MYLK2: variants seen among roughly 807,000 people sequenced by gnomAD.
MYLK2 encodes myosin light chain kinase 2, skeletal/cardiac muscle.
Under a neutral mutation model 58.2 loss-of-function variants are expected in MYLK2, and 27 were observed. The ratio of observed to expected loss-of-function variants is 0.46; its 90% confidence interval spans 0.34 to 0.64. The LOEUF (loss-of-function observed/expected upper bound fraction) is 0.64, where lower values mean the gene tolerates loss of function less well. Ranked by LOEUF, MYLK2 falls within the 30% of genes least tolerant of loss-of-function variation. The probability of loss-of-function intolerance (pLI) is 0.01; values close to 1 mark genes in which losing one functional copy is unlikely to be tolerated. For synonymous variants in MYLK2, 310 were observed against 296.7 expected (o/e 1.04, Z -0.46); for missense variants, 676 against 764.3 (o/e 0.88, Z 1.36).
At position 31,833,973 on chromosome 20, in the gene MYLK2, A is replaced by C. The variant is rs1600415651; in HGVS notation, c.*176A>C. ...CCCCCATGCAGTGACCGCTTCCCCG[A>C]TGTGAGCCGCCTCGGAGTGTGGCCT... On this transcript the variant is annotated 3_prime_UTR_variant, in exon 13 of 13. Coordinates refer to ENST00000375985, the MANE Select transcript of MYLK2 (RefSeq NM_033118.4). The C allele has an allele frequency of 1.6e-6, 1 of 623,178 alleles. No homozygotes were observed. The highest frequency in any genetic ancestry group is 2.7e-5 in the Admixed American group (1 of 37,428). The allele number at this position is 623,178 out of a possible 1,614,324, so 38.6% of individuals were successfully genotyped here.
In MYLK2 at chr20:31,831,692, C is replaced by A. The variant is rs369886665; in HGVS notation, c.1425-11C>A. On this transcript the variant is annotated splice_polypyrimidine_tract_variant and intron_variant, in intron 10 of 12. Transcript: ENST00000375985. Reference sequence around the variant, plus strand: ...CTCACCTCCCTGCCCCCTGCTATCCCCTCCCTCTAGGCTGAGCGGCCTCTC... The same window carrying A: ...CTCACCTCCCTGCCCCCTGCTATCCACTCCCTCTAGGCTGAGCGGCCTCTC... 8.1e-6 allele frequency: 13 copies of A among 1,613,882 alleles called. No homozygotes were observed. Among genetic ancestry groups the A allele is most frequent in the Middle Eastern group, 1.7e-4 (1 of 6,048 alleles).
At position 31,821,455 on chromosome 20, in the gene MYLK2, G is replaced by T. The variant is rs1402022243; in HGVS notation, c.490G>T (p.Ala164Ser). 6 of 1,613,470 alleles carry T rather than the reference G, an allele frequency of 3.7e-6. No individual in the cohort carries two copies. Among genetic ancestry groups the T allele is most frequent in the Non-Finnish European group, 5.1e-6 (6 of 1,180,040 alleles). ...AIISSSEKLLAKKPPSEASEL... is the reference protein window; with the variant it reads ...AIISSSEKLLSKKPPSEASEL... ...ACCTTCTAGTTCTGAGAAGCTGCTG[G>T]CCAAGAAGCCCCCAAGCGAGGCATC... The change falls in exon 4 of 13, where the codon GCC becomes TCC. Residue 164 changes from alanine (A) to serine (S), a missense_variant. This residue lies in a region of MYLK2 where 306 missense variants were observed against 296.5 expected (regional missense o/e 1.03). Transcript: ENST00000375985.
chr20:31,823,355 C>A, intron 4 of MYLK2, 122 bp from the exon 5 acceptor site: 1 of 834,298 alleles, frequency 1.2e-6, no homozygotes, highest in Non-Finnish European at 1.9e-6. Context: ...AGGTGTCCCC[C>A]AGGTATCACT....
In MYLK2 at chr20:31,831,872, A is replaced by G. The variant is rs2062308168; in HGVS notation, c.1577+17A>G. On this transcript the variant is annotated intron_variant, in intron 11 of 12. Transcript: ENST00000375985. Reference sequence around the variant, plus strand: ...GGACCAGAGGTGAGGCTCACCCCAGAACCTGAACTGTATGTGTGCAAGCTT... The same window carrying G: ...GGACCAGAGGTGAGGCTCACCCCAGGACCTGAACTGTATGTGTGCAAGCTT... The G allele has an allele frequency of 7.4e-6, 12 of 1,614,108 alleles. No individual in the cohort carries two copies. Among genetic ancestry groups the G allele is most frequent in the Non-Finnish European group, 1.0e-5 (12 of 1,180,014 alleles).
At position 31,820,484 on chromosome 20, in the gene MYLK2, A is replaced by G. The variant is rs766553750; in HGVS notation, c.411A>G (p.Ala137=). 6.2e-7 allele frequency: 1 copy of G among 1,608,814 alleles called. No individual in the cohort carries two copies. Among genetic ancestry groups the G allele is most frequent in the Non-Finnish European group, 8.5e-7 (1 of 1,179,986 alleles). Residue 137 remains alanine (A), a synonymous_variant, in exon 3 of 13, where the codon GCA becomes GCG. Transcript: ENST00000375985. Reference sequence around the variant, plus strand: ...GCAAGAAGGCAGCAGAGGGCCAAGCAGCAGCCAGGAGGGGCTCACCTGCCT... The same window carrying G: ...GCAAGAAGGCAGCAGAGGGCCAAGCGGCAGCCAGGAGGGGCTCACCTGCCT... ...RVGKKAAEGQ[A]AARRGSPAFL...
chr20:31,826,459 G>A, intron 6 of MYLK2, 146 bp from the exon 7 acceptor site: 1 of 1,077,084 alleles, frequency 9.3e-7, no homozygotes, highest in Admixed American at 2.0e-5. Context: ...CACAGATGTG[G>A]GGGTGGGGGA....
At chr20:31,827,123 A>AAGAGAG in intron 8 of MYLK2, 185 bp downstream of exon 8, 7 of 981,090 alleles carry the variant, frequency 7.1e-6, no homozygotes, top group Non-Finnish European at 7.3e-6. Flanking sequence ...GGGCACAGCA[A>AAGAGAG]AGAGAGAGAG....
At chr20:31,830,630 G>A (rs534914743) in intron 8 of MYLK2, among the ~76,000 whole-genome samples, 189 bp from the exon 9 acceptor site, 1 of 152,212 alleles carries the variant, frequency 6.6e-6, no homozygotes, top group Non-Finnish European at 1.5e-5. Context: ...CCTCGCATAA[G>A]CCCCTCGTGG....
rs766917091 is a variant in MYLK2, at chr20:31,831,050, A to T, written c.1333A>T (p.Thr445Ser). 1 of 1,614,062 alleles carries T rather than the reference A, an allele frequency of 6.2e-7. No individual in the cohort carries two copies. Among genetic ancestry groups the T allele is most frequent in the Admixed American group, 1.7e-5 (1 of 60,014 alleles). Residue 445 changes from threonine to serine, a missense_variant, in exon 10 of 13, where the codon ACC (threonine) becomes TCC (serine). Physicochemically the swap from Thr to Ser is moderately conservative, Grantham distance 58. Around this residue, in one of 2 missense-constraint regions of MYLK2, gnomAD observed 370 missense variants for 467.8 expected, o/e 0.79. Transcript: ENST00000375985. The stretch of plus-strand genomic sequence containing the variant: ...CGAGAAGCTGAAGGTGAACTTTGGG[A>T]CCCCAGAGTTCCTGTCACCTGAGGT... ...PNEKLKVNFG[T>S]PEFLSPEVVN...
Position 31,823,479 on chromosome 20 carries a change from G to A in MYLK2, c.775G>A (p.Asp259Asn). The change falls in exon 5 of 13, where the codon GAT becomes AAT. Residue 259 changes from aspartate to asparagine, a missense_variant and splice_region_variant. Coordinates refer to ENST00000375985, the MANE Select transcript of MYLK2 (RefSeq NM_033118.4). ...GAGGGCTGTGCTCTGTCCCCCAGAT[G>A]ATTGCCCGCCACCTCCGGCCCCCTT... The part of the protein sequence containing the change: ...REEDCFQILD[D>N]CPPPPAPFPH... 1 of 1,612,614 alleles carries A rather than the reference G, an allele frequency of 6.2e-7. No individual in the cohort carries two copies. Among genetic ancestry groups the A allele is most frequent in the South Asian group, 1.1e-5 (1 of 91,084 alleles).
At chr20:31,820,794 T>C (rs2123126994) in intron 3 of MYLK2, among the ~76,000 whole-genome samples, 1 of 152,288 alleles carries the variant, frequency 6.6e-6, no homozygotes, top group East Asian at 1.9e-4. Context: ...GTTGAACATA[T>C]CTTCTCTAGG....
Position 31,823,362 on chromosome 20 carries a change from C to T in MYLK2, c.773-115C>T, listed in dbSNP as rs994073733. 64 of 888,778 alleles carry T rather than the reference C, an allele frequency of 7.2e-5. 3 individuals carry two copies. Among genetic ancestry groups the T allele is most frequent in the Non-Finnish European group, 1.8e-6 (1 of 559,236 alleles). The allele number at this position is 888,778 out of a possible 1,614,324, so 55.1% of individuals were successfully genotyped here. On this transcript the variant is annotated intron_variant, in intron 4 of 12. Transcript: ENST00000375985. ...CTGGAGCCAGGTGTCCCCCAGGTAT[C>T]ACTTGGTGAACTTAACTTCCCTAGA... is the stretch of plus-strand genomic sequence containing the variant.
intron 4 of MYLK2, among the ~76,000 whole-genome samples, chr20:31,823,023 C>T (rs1055589984): frequency 6.6e-6 from 1 of 152,224 alleles, no homozygotes; most frequent in Non-Finnish European, 1.5e-5. Flanking sequence ...TCCCCGGTCC[C>T]GCCCCGCCAT....
chr20:31,820,311 G>T lies in MYLK2; in HGVS notation c.238G>T (p.Gly80Cys). Residue 80 changes from glycine (G) to cysteine (C), a missense_variant, in exon 3 of 13, where the codon GGT becomes TGT. This residue lies in a region of MYLK2 where 306 missense variants were observed against 296.5 expected (regional missense o/e 1.03). Transcript: ENST00000375985. ...STSSQGPKGE[G>C]DRGGGPAEGS... ...TAGCAGCCAAGGCCCCAAAGGAGAG[G>T]GTGACAGGGGCGGGGGGCCCGCGGA... 2 of 1,613,294 alleles carry T rather than the reference G, an allele frequency of 1.2e-6. No individual in the cohort carries two copies. Among genetic ancestry groups the T allele is most frequent in the Non-Finnish European group, 1.7e-6 (2 of 1,179,906 alleles).
In MYLK2 at chr20:31,826,688, G is replaced by T. The variant is rs370053164; in HGVS notation, c.1056G>T (p.Pro352=). ...AGCTGTATGCAGCCATCGAGACTCC[G>T]CATGAGATCGTCCTGTTCATGGAGT... ...LIQLYAAIET[P]HEIVLFMEYI... is the part of the protein sequence containing the mutation. The change falls in exon 7 of 13, where the codon CCG becomes CCT. Residue 352 remains proline, a synonymous_variant. Transcript: ENST00000375985. 35 of 1,613,962 alleles carry T rather than the reference G, an allele frequency of 2.2e-5. No individual in the cohort carries two copies. The highest frequency in any genetic ancestry group is 1.5e-4 in the African/African-American group (11 of 74,878).
At chr20:31,823,008 C>T (rs929611989) in intron 4 of MYLK2, among the ~76,000 whole-genome samples, 1 of 152,114 alleles carries the variant, frequency 6.6e-6, no homozygotes, top group Non-Finnish European at 1.5e-5. Flanking sequence ...CACCAAACAG[C>T]ACGGTCCCCG....
intron 4 of MYLK2, among the ~76,000 whole-genome samples, chr20:31,822,753 C>T (rs984943114): frequency 6.6e-6 from 1 of 152,080 alleles, no homozygotes; most frequent in African/African-American, 2.4e-5. Context: ...GGCGGCTGGG[C>T]GGCAGCCAGG....
chr20:31,825,319 T>C (rs2062273391), intron 6 of MYLK2, among the ~76,000 whole-genome samples: 2 of 152,188 alleles, frequency 1.3e-5, no homozygotes, highest in South Asian at 4.1e-4. Flanking sequence ...CAGGCCTCTG[T>C]CACAGGCTCT....
At chr20:31,827,131 GA>G (rs771964736) in intron 8 of MYLK2, 193 bp downstream of exon 8, 116 of 980,244 alleles carry the variant, frequency 1.2e-4, no homozygotes, top group African/African-American at 1.4e-4. Context: ...CAAAGAGAGA[GA>G]GGGGGGGAAA....
Sources: allele counts gnomAD v4.1 joint callset (sites outside exome capture counted in the v4.1 genomes callset), GRCh38; gene constraint gnomAD v4.1.1; regional missense constraint gnomAD v4.1.1; transcripts MANE v1.5; gene names NCBI Gene and HGNC (gene_info 2026-07-23, HGNC 2026-07-21).